Variants in CCDC88C observed in about 807,000 individuals in gnomAD.
The protein encoded by CCDC88C is protein Daple.
Under a neutral mutation model 198.8 loss-of-function variants are expected in CCDC88C, and 131 were observed. The observed-to-expected ratio is 0.66, with a 90% CI of 0.57 to 0.76. CCDC88C has a LOEUF of 0.76. CCDC88C is among the 30% of genes least tolerant of loss of function. CCDC88C has a pLI of 0.00. For synonymous variants in CCDC88C, 1,166 were observed against 1,114.7 expected (o/e 1.05, Z -0.92); for missense variants, 2,553 against 2,631.6 (o/e 0.97, Z 0.65).
rs1435298854 is a variant in CCDC88C, at chr14:91,352,424, CCCTCATTT to C, written c.340+7210_340+7217del. On this transcript the variant is annotated intron_variant, in intron 4 of 29. Transcript: ENST00000389857. The surrounding 1 kb of genome is among the most constrained non-coding windows in gnomAD (Gnocchi z 4.2). ...CCCCAGCACCGCACGTGGACTGGAGCCCTCATTTCCGGATCCAACAAGCAGCACAGAAG... is the reference window on the plus strand; with the variant it reads ...CCCCAGCACCGCACGTGGACTGGAGCCCGGATCCAACAAGCAGCACAGAAG... Among the ~76,000 whole-genome samples, 1 of 151,980 alleles carries C rather than the reference CCCTCATTT, an allele frequency of 6.6e-6. No homozygotes were observed. Among genetic ancestry groups the C allele is most frequent in the Non-Finnish European group, 1.5e-5 (1 of 68,012 alleles).
intron 12 of CCDC88C, among the ~76,000 whole-genome samples, chr14:91,324,432 A>G (rs956673186): frequency 5.3e-5 from 8 of 152,246 alleles, no homozygotes; most frequent in Non-Finnish European, 1.2e-4. Flanking sequence ...GCCACTGGTG[A>G]TGGCTCCTGC....
intron 12 of CCDC88C, among the ~76,000 whole-genome samples, chr14:91,323,593 C>T (rs1892447350): frequency 6.6e-6 from 1 of 152,202 alleles, no homozygotes; most frequent in Non-Finnish European, 1.5e-5. Context: ...TAGCTAGGCA[C>T]TAGGAGTTGA....
chr14:91,292,863 G>T (rs1890723289), intron 23 of CCDC88C, among the ~76,000 whole-genome samples: 1 of 152,104 alleles, frequency 6.6e-6, no homozygotes, highest in African/African-American at 2.4e-5. Flanking sequence ...AAGCTTCCCT[G>T]GCCCTGCCAG....
At position 91,305,847 on chromosome 14, in the gene CCDC88C, C is replaced by T. The variant is rs1161934063; in HGVS notation, c.3275G>A (p.Ser1092Asn). 6 of 1,613,886 alleles carry T rather than the reference C, an allele frequency of 3.7e-6. No individual in the cohort carries two copies. In the Admixed American group the frequency reaches 6.7e-5, roughly 18 times the overall value. The change falls in exon 19 of 30, where the codon AGC becomes AAC. Residue 1092 changes from serine to asparagine, a missense_variant. Ser to Asn is a conservative substitution (Grantham distance 46). This residue lies in a region of CCDC88C where 1,260 missense variants were observed against 1,412.0 expected (regional missense o/e 0.89). Transcript: ENST00000389857. ...CTGTTTCTGCAGTGTCAAGATCTGGCTGCTGAAGGTCACGTTCTGGGTCTC... is the reference window on the plus strand; with the variant it reads ...CTGTTTCTGCAGTGTCAAGATCTGGTTGCTGAAGGTCACGTTCTGGGTCTC... ...HLETQNVTFS[S>N]QILTLQKQSA...
chr14:91,338,049 T>G lies in CCDC88C; in HGVS notation c.1006A>C (p.Lys336Gln). The stretch of plus-strand genomic sequence containing the variant: ...AAGTCCACGTCGTGCAGCTTCTCCT[T>G]GCAGCGGGTCAGCTCCAGCTCCAGC... ...ERLELELTRC[K>Q]EKLHDVDFYK... Residue 336 changes from lysine to glutamine, a missense_variant, in exon 10 of 30, where the codon AAG becomes CAG. By Grantham distance (53) the Lys-to-Gln change is moderately conservative. Around this residue, in one of 2 missense-constraint regions of CCDC88C, gnomAD observed 1,260 missense variants for 1,412.0 expected, o/e 0.89. Coordinates refer to ENST00000389857, the MANE Select transcript of CCDC88C (RefSeq NM_001080414.4). The surrounding 1 kb of genome is among the most constrained non-coding windows in gnomAD (Gnocchi z 4.8). 6.2e-7 allele frequency: 1 copy of G among 1,613,572 alleles called. No homozygotes were observed. The highest frequency in any genetic ancestry group is 8.5e-7 in the Non-Finnish European group (1 of 1,179,894).
chr14:91,412,591 C>T (rs963093054), intron 2 of CCDC88C, among the ~76,000 whole-genome samples: 3 of 152,076 alleles, frequency 2.0e-5, no homozygotes, highest in African/African-American at 7.2e-5. Context: ...CCCGCCACCA[C>T]GCCTGGCTAA....
At chr14:91,283,178 G>T in intron 26 of CCDC88C, 151 bp downstream of exon 26, 1 of 802,184 alleles carries the variant, frequency 1.2e-6, no homozygotes, top group Non-Finnish European at 1.9e-6. Context: ...AGCTGCATCT[G>T]TGCCACCAAA....
At chr14:91,292,725 G>C (rs1397941985) in intron 23 of CCDC88C, among the ~76,000 whole-genome samples, 2 of 152,014 alleles carry the variant, frequency 1.3e-5, no homozygotes, top group Admixed American at 6.5e-5. Flanking sequence ...AGCCATTCCC[G>C]ATCACGTGGA....
chr14:91,385,867 G>T (rs916670099), intron 3 of CCDC88C, among the ~76,000 whole-genome samples: 4 of 152,056 alleles, frequency 2.6e-5, no homozygotes, highest in African/African-American at 9.7e-5. Context: ...AGGGCTTGCT[G>T]CCTATGACAC....
chr14:91,272,742 G>A lies in CCDC88C; in HGVS notation c.5970C>T (p.Pro1990=), dbSNP rs770380716. 5.0e-6 allele frequency: 8 copies of A among 1,609,130 alleles called. No individual in the cohort carries two copies. In the South Asian group the frequency reaches 7.7e-5, roughly 15 times the overall value. Residue 1990 remains proline, a synonymous_variant, in exon 30 of 30, where the codon CCC becomes CCT. Coordinates refer to ENST00000389857, the MANE Select transcript of CCDC88C (RefSeq NM_001080414.4). ...KSPGRSPDLA[P]HLGRALEDCS... is the part of the protein sequence containing the mutation. The stretch of plus-strand genomic sequence containing the variant: ...AGTCCTCCAGGGCCCGGCCGAGGTG[G>A]GGAGCCAAATCGGGAGACCGACCTG...
intron 4 of CCDC88C, among the ~76,000 whole-genome samples, chr14:91,345,190 A>AT (rs58941451): frequency 0.044 from 2,300 of 52,200 alleles, 122 homozygotes; most frequent in African/African-American, 0.082. Context: ...ATATATATAT[A>AT]TTTTTTTTTT....
chr14:91,367,834 G>A (rs1437276779), intron 3 of CCDC88C, among the ~76,000 whole-genome samples: 2 of 152,106 alleles, frequency 1.3e-5, no homozygotes, highest in African/African-American at 4.8e-5. Flanking sequence ...CTTCCCACGA[G>A]GGTGCCCTTC....
intron 3 of CCDC88C, among the ~76,000 whole-genome samples, chr14:91,359,948 T>G (rs958286391): frequency 2.0e-5 from 3 of 151,980 alleles, no homozygotes; most frequent in Non-Finnish European, 4.4e-5. Context: ...ACAAGAGATT[T>G]AATGGGGTTA....
In CCDC88C at chr14:91,371,628, C is replaced by T. The variant is rs766236143; in HGVS notation, c.271-11917G>A. Among the ~76,000 whole-genome samples, 1 of 152,170 alleles carries T rather than the reference C, an allele frequency of 6.6e-6. No individual in the cohort carries two copies. The highest frequency in any genetic ancestry group is 2.4e-5 in the African/African-American group (1 of 41,428). On this transcript the variant is annotated intron_variant, in intron 3 of 29. Coordinates refer to ENST00000389857, the MANE Select transcript of CCDC88C (RefSeq NM_001080414.4). The surrounding 1 kb of genome is among the most constrained non-coding windows in gnomAD (Gnocchi z 4.2). ...GGCTCTAGCTGATTTCCTGGGCAGG[C>T]ACCTATCTGTCCTGGGCACACCCTC...
intron 2 of CCDC88C, among the ~76,000 whole-genome samples, chr14:91,411,548 T>A (rs1211793841): frequency 2.0e-5 from 3 of 152,190 alleles, no homozygotes; most frequent in Non-Finnish European, 4.4e-5. Context: ...CACTCTAGTA[T>A]CAGGATCTCA....
Position 91,339,476 on chromosome 14 carries a change from G to A in CCDC88C, c.625-14C>T, listed in dbSNP as rs200595802. On this transcript the variant is annotated splice_polypyrimidine_tract_variant and intron_variant, in intron 7 of 29. Transcript: ENST00000389857. This position sits in a 1 kb window ranked among gnomAD's most constrained non-coding sequence, Gnocchi z 5.8. ...GTCCACGATCAGCTGCAGCCGGGCAGAGAGGGGGATGGAGGAGAACAAACG... is the reference window on the plus strand; with the variant it reads ...GTCCACGATCAGCTGCAGCCGGGCAAAGAGGGGGATGGAGGAGAACAAACG... 1 of 1,598,530 alleles carries A rather than the reference G, an allele frequency of 6.3e-7. No individual in the cohort carries two copies. Among genetic ancestry groups the A allele is most frequent in the Non-Finnish European group, 8.6e-7 (1 of 1,168,766 alleles).
At position 91,313,145 on chromosome 14, in the gene CCDC88C, T is replaced by C; in HGVS notation, c.2671A>G (p.Lys891Glu). The C allele has an allele frequency of 6.2e-7, 1 of 1,610,316 alleles. No homozygotes were observed. Among genetic ancestry groups the C allele is most frequent in the Non-Finnish European group, 8.5e-7 (1 of 1,177,400 alleles). Residue 891 changes from lysine (K) to glutamate (E), a missense_variant, in exon 15 of 30, where the codon AAG becomes GAG. Transcript: ENST00000389857. The surrounding 1 kb of genome is among the most constrained non-coding windows in gnomAD (Gnocchi z 5.2). The part of the protein sequence containing the change: ...DAAGKLKELE[K>E]DNRDLTKQVT... ...TGCTTGGTGAGGTCCCGGTTGTCCT[T>C]CTCCAGCTCCTTCAGCTTGCCGGCT...
chr14:91,312,988 CAG>C, intron 15 of CCDC88C, 90 bp downstream of exon 15: 4 of 964,714 alleles, frequency 4.1e-6, no homozygotes, highest in Non-Finnish European at 6.1e-6. Context: ...AAGGAGGACA[CAG>C]AGTCTTATTT....
At chr14:91,365,326 T>G (rs1039166199) in intron 3 of CCDC88C, among the ~76,000 whole-genome samples, 8 of 152,140 alleles carry the variant, frequency 5.3e-5, no homozygotes, top group African/African-American at 1.9e-4. Flanking sequence ...GGGAAGGGAC[T>G]AGGCTGGGAA....
Sources: allele counts gnomAD v4.1 joint callset (sites outside exome capture counted in the v4.1 genomes callset), GRCh38; gene constraint gnomAD v4.1.1; regional missense constraint gnomAD v4.1.1; non-coding constraint Gnocchi (gnomAD v3.1); transcripts MANE v1.5; gene names NCBI Gene and HGNC (gene_info 2026-07-23, HGNC 2026-07-21).